Variants in NUP160 observed in about 807,000 individuals in gnomAD.
NUP160 encodes the protein nuclear pore complex protein Nup160.
In NUP160, 94 loss-of-function variants were observed where a neutral mutation model predicts 196.9. The observed-to-expected ratio is 0.48, with a 90% CI of 0.40 to 0.57. The LOEUF is 0.57. Ranked by LOEUF, NUP160 falls within the 20% of genes least tolerant of loss-of-function variation. The pLI, the probability that NUP160 is intolerant of heterozygous loss-of-function variation, is 0.00. For synonymous variants in NUP160, 605 were observed against 619.7 expected, an observed-to-expected ratio of 0.98 and a Z score of 0.35; for missense variants, 1,638 against 1,748.3, an observed-to-expected ratio of 0.94 and a Z score of 1.13.
chr11:47,824,045 A>ATATATATATATATATATATG lies in NUP160; in HGVS notation c.1102-1882_1102-1881insCATATATATATATATATATA, dbSNP rs1565203496. On this transcript the variant is annotated intron_variant, in intron 7 of 35. Coordinates refer to ENST00000378460, the Ensembl canonical transcript of NUP160. ...TATATATATATATATATATATATAT[A>ATATATATATATATATATATG]TATATATACACACACACATAGAAGT... 2.2e-4 allele frequency among the ~76,000 whole-genome samples: 22 copies of ATATATATATATATATATATG among 98,340 alleles called. 1 individual carries two copies. The highest frequency in any genetic ancestry group is 5.1e-4 in the African/African-American group (16 of 31,326). 64.5% of individuals were successfully genotyped at this position (98,340 alleles called of 152,430 possible).
At chr11:47,796,173 A>AG in intron 27 of NUP160, 1 of 280,746 alleles carries the variant, frequency 3.6e-6, no homozygotes, top group Non-Finnish European at 6.7e-6. Flanking sequence ...AAAAAAAAAA[A>AG]GGAGCAGCTG....
Position 47,837,725 on chromosome 11 carries a change from C to T in NUP160, c.749-102G>A, listed in dbSNP as rs186535051. The T allele has an allele frequency of 4.1e-5, 33 of 805,964 alleles. No homozygotes were observed. The East Asian group carries it at 5.7e-4, about 14-fold the overall frequency. The allele number at this position is 805,964 out of a possible 1,614,324, so 49.9% of individuals were successfully genotyped here. On this transcript the variant is annotated intron_variant, in intron 4 of 35. Transcript: ENST00000378460. ...GTCTTTATAATAGGCAACAGACTTC[C>T]GTATTTCTGTACTAACAAAGGTTTA...
intron 34 of NUP160, among the ~76,000 whole-genome samples, chr11:47,781,868 A>C (rs2097661054): frequency 6.6e-6 from 1 of 152,178 alleles, no homozygotes; most frequent in South Asian, 2.1e-4. Context: ...TAAACAGGAG[A>C]CTAGAGATTC....
intron 23 of NUP160, among the ~76,000 whole-genome samples, chr11:47,799,096 C>CT (rs564236369): frequency 3.1e-3 from 449 of 146,438 alleles, no homozygotes; most frequent in Middle Eastern, 0.014. Flanking sequence ...TGACATAATC[C>CT]TTTTTTTTTT....
intron 19 of NUP160, chr11:47,806,527 A>C: frequency 2.1e-6 from 1 of 465,358 alleles, no homozygotes; most frequent in Non-Finnish European, 3.8e-6. Context: ...TTCACATCAA[A>C]GTTATAGTCA....
chr11:47,801,924 C>G (rs760112939), exon 23 of NUP160: 3 of 1,613,692 alleles, frequency 1.9e-6, no homozygotes, highest in East Asian at 2.2e-5. Flanking sequence ...CAAAAACATT[C>G]CAGAGCCTGG....
At chr11:47,832,485 CTTTTAAAATGTG>C (rs1165005130) in intron 7 of NUP160, among the ~76,000 whole-genome samples, 1 of 152,140 alleles carries the variant, frequency 6.6e-6, no homozygotes, top group Non-Finnish European at 1.5e-5. Flanking sequence ...TTACACTGGC[CTTTTAAAATGTG>C]TTTTCAGTTT....
In NUP160 at chr11:47,797,888, G is replaced by A; in HGVS notation, c.3184-4C>T. 1 of 1,606,500 alleles carries A rather than the reference G, an allele frequency of 6.2e-7. No homozygotes were observed. The highest frequency in any genetic ancestry group is 8.5e-7 in the Non-Finnish European group (1 of 1,174,618). Reference sequence around the variant, plus strand: ...GTGACTCAATTATTCCCACAACCTAGGGAAGGGGAAGCAATCAGATAACTA... The same window carrying A: ...GTGACTCAATTATTCCCACAACCTAAGGAAGGGGAAGCAATCAGATAACTA... On this transcript the variant is annotated splice_polypyrimidine_tract_variant and splice_region_variant and intron_variant, in intron 26 of 35. Coordinates refer to ENST00000378460, the Ensembl canonical transcript of NUP160.
chr11:47,799,240 C>A (rs2097672727), intron 23 of NUP160, among the ~76,000 whole-genome samples: 1 of 151,844 alleles, frequency 6.6e-6, no homozygotes, highest in East Asian at 1.9e-4. Context: ...CATGCCCCAC[C>A]ACGTTCAGCT....
In NUP160 at chr11:47,819,468, A is replaced by G; in HGVS notation, c.1278-10T>C. Reference sequence around the variant, plus strand: ...CTGACCTGCAACATTACTAGAGACAAAAAAGTCCACCAGTTTATACAGAAA... The same window carrying G: ...CTGACCTGCAACATTACTAGAGACAGAAAAGTCCACCAGTTTATACAGAAA... On this transcript the variant is annotated splice_polypyrimidine_tract_variant and intron_variant, in intron 9 of 35. Transcript: ENST00000378460. 6.3e-7 allele frequency: 1 copy of G among 1,595,846 alleles called. No homozygotes were observed. Among genetic ancestry groups the G allele is most frequent in the Non-Finnish European group, 8.6e-7 (1 of 1,163,378 alleles).
exon 4 of NUP160, chr11:47,840,032 A>G: frequency 1.2e-6 from 2 of 1,613,818 alleles, no homozygotes; most frequent in South Asian, 1.1e-5. Flanking sequence ...ATGTCAGTGA[A>G]TATTGACTGC....
chr11:47,807,295 T>C (rs1428012388), intron 18 of NUP160, among the ~76,000 whole-genome samples, 155 bp from the exon 19 acceptor site: 2 of 152,226 alleles, frequency 1.3e-5, no homozygotes, highest in African/African-American at 4.8e-5. Flanking sequence ...CATTATAATA[T>C]AGATTGTTGC....
At chr11:47,782,652 ATTATTTATTTAT>A (rs528276059) in intron 34 of NUP160, among the ~76,000 whole-genome samples, 1 of 151,256 alleles carries the variant, frequency 6.6e-6, no homozygotes, top group African/African-American at 2.4e-5. Flanking sequence ...TTATTTATTT[ATTATTTATTTAT>A]TTATTTATTT....
intron 30 of NUP160, 63 bp from the exon 31 acceptor site, chr11:47,788,368 T>C (rs1054049716): frequency 1.2e-6 from 2 of 1,604,338 alleles, no homozygotes; most frequent in Non-Finnish European, 1.7e-6. Flanking sequence ...ACCAAAGATT[T>C]TGTTTTGTTG....
chr11:47,792,422 T>C (rs1369800747), intron 28 of NUP160: 2 of 226,982 alleles, frequency 8.8e-6, no homozygotes, highest in Non-Finnish European at 1.7e-5. Context: ...CCAGGCACTG[T>C]TACTGTTCTA....
chr11:47,844,931 G>T (rs1481269082), intron 2 of NUP160, among the ~76,000 whole-genome samples: 4 of 152,152 alleles, frequency 2.6e-5, no homozygotes, highest in African/African-American at 9.7e-5. Context: ...ATGGCGACAA[G>T]GGTGACCTCC....
At chr11:47,824,371 C>A (rs1335036464) in intron 7 of NUP160, among the ~76,000 whole-genome samples, 1 of 151,502 alleles carries the variant, frequency 6.6e-6, no homozygotes, top group South Asian at 2.1e-4. Flanking sequence ...TTTGGGAGGC[C>A]GAGACAGGTG....
chr11:47,818,161 A>G, intron 10 of NUP160, 37 bp from the exon 11 acceptor site: 1 of 1,445,408 alleles, frequency 6.9e-7, no homozygotes, highest in Non-Finnish European at 9.7e-7. Flanking sequence ...CTATTGTCCT[A>G]AACAAAATTT....
At chr11:47,803,525 T>A in exon 22 of NUP160, 1 of 1,602,242 alleles carries the variant, frequency 6.2e-7, no homozygotes, top group Non-Finnish European at 8.6e-7. Context: ...GATGTAGCAG[T>A]TGAATATAAT....
Sources: allele counts gnomAD v4.1 joint callset (sites outside exome capture counted in the v4.1 genomes callset), GRCh38; gene constraint gnomAD v4.1.1; transcripts MANE v1.5; gene names NCBI Gene and HGNC (gene_info 2026-07-23, HGNC 2026-07-21).